The following SCP2 variants were observed in gnomAD, a reference collection of about 807,000 sequenced individuals.
SCP2 encodes SCP-2/3-oxoacyl-CoA thiolase.
A neutral mutation model predicts 71.4 loss-of-function variants in SCP2; 48 were observed. The ratio of observed to expected loss-of-function variants is 0.67; its 90% CI spans 0.53 to 0.86. The LOEUF is 0.86. SCP2 is among the 40% of genes least tolerant of loss of function. SCP2 has a pLI of 0.00. For missense variants in SCP2, 560 were observed against 655.6 expected (o/e 0.85, Z 1.59); for synonymous variants, 220 against 218.1 (o/e 1.01, Z -0.08).
At position 52,929,784 on chromosome 1, in the gene SCP2, G is replaced by A. The variant is rs1652965576; in HGVS notation, c.69+2319G>A. On this transcript the variant is annotated intron_variant, in intron 1 of 15. Coordinates refer to ENST00000371514, the MANE Select transcript of SCP2 (RefSeq NM_002979.5). ...ACTACAGGTGCCCACCACCACGTCC[G>A]GCTAATTTTTTGTATTTTTTAGTAG... Among the ~76,000 whole-genome samples, 6 of 152,176 alleles carry A rather than the reference G, an allele frequency of 3.9e-5. No homozygotes were observed. In the South Asian group the frequency reaches 1.0e-3, roughly 26 times the overall value.
chr1:53,035,634 G>C (rs1008724549), intron 13 of SCP2, among the ~76,000 whole-genome samples: 1 of 152,114 alleles, frequency 6.6e-6, no homozygotes, highest in Non-Finnish European at 1.5e-5. Context: ...ATTTGGAAGA[G>C]AAGAATTATA....
In SCP2 at chr1:52,963,724, A is replaced by G. The variant is rs139629747; in HGVS notation, c.523+2095A>G. 5.3e-5 allele frequency: 8 copies of G among 152,298 alleles called. No homozygotes were observed. The East Asian group carries it at 1.5e-3, about 29-fold the overall frequency. The allele number at this position is 152,298 out of a possible 1,614,324, so 9.4% of individuals were successfully genotyped here. ...AATATAACAACTATTTTAAGAGGTA[A>G]GTGTATGCCTATTTTTCATATGAGG... is the stretch of plus-strand genomic sequence containing the variant. On this transcript the variant is annotated intron_variant, in intron 6 of 15. Transcript: ENST00000371514.
rs1225257894 is a variant in SCP2 at position 52,927,441 on chromosome 1, C to T, written c.45C>T (p.Phe15=). The T allele has an allele frequency of 1.9e-6, 3 of 1,602,706 alleles. No homozygotes were observed. The highest frequency in any genetic ancestry group is 2.7e-5 in the African/African-American group (2 of 74,948). The change falls in exon 1 of 16, where the codon TTC becomes TTT. Residue 15 remains phenylalanine (F), a synonymous_variant. Transcript: ENST00000371514. The part of the protein sequence containing the change: ...PWEPATLRRV[F]VVGVGMTKFV... ...AGCCTGCGACCCTGCGCCGGGTGTT[C>T]GTGGTGGGGGTTGGCATGACCAAGG...
Position 52,927,289 on chromosome 1 carries a change from G to T in SCP2, c.-108G>T. The T allele has an allele frequency of 3.9e-6, 3 of 771,530 alleles. No homozygotes were observed. The highest frequency in any genetic ancestry group is 1.7e-5 in the African/African-American group (1 of 58,432). The allele number at this position is 771,530 out of a possible 1,614,324, so 47.8% of individuals were successfully genotyped here. A position where few individuals can be genotyped will look rare whatever the true frequency, so the allele number is the denominator to read the frequency against. On this transcript the variant is annotated 5_prime_UTR_variant, in exon 1 of 16. Transcript: ENST00000371514. ...ACGCGCACTCTCACGCGCCTGTGTTGCCGCCCGCGGCCCTGGCTTCGGGCT... is the reference window on the plus strand; with the variant it reads ...ACGCGCACTCTCACGCGCCTGTGTTTCCGCCCGCGGCCCTGGCTTCGGGCT...
At chr1:52,967,683 G>T (rs1204929044) in intron 6 of SCP2, among the ~76,000 whole-genome samples, 2 of 152,132 alleles carry the variant, frequency 1.3e-5, no homozygotes, top group Non-Finnish European at 2.9e-5. Context: ...GAAGGGGTCA[G>T]GGGGCTCCTT....
chr1:52,988,074 G>A lies in SCP2; in HGVS notation c.1019G>A (p.Gly340Glu). 1 of 1,609,234 alleles carries A rather than the reference G, an allele frequency of 6.2e-7. No homozygotes were observed. The change falls in exon 11 of 16, where the codon GGA (glycine) becomes GAA (glutamate). Residue 340 changes from glycine (G) to glutamate (E), a missense_variant. Around this residue, in one of 3 missense-constraint regions of SCP2, gnomAD observed 513 missense variants for 573.1 expected, o/e 0.90. Coordinates refer to ENST00000371514, the MANE Select transcript of SCP2 (RefSeq NM_002979.5). ...LVDRGDNTYG[G>E]KWVINPSGGL... ...GATAGAGGAGATAATACATATGGAG[G>A]AAAGTGGGTCATAAATCCTAGTGGT... is the stretch of plus-strand genomic sequence containing the variant.
At chr1:53,033,322 A>G (rs1365194968) in intron 13 of SCP2, among the ~76,000 whole-genome samples, 1 of 152,132 alleles carries the variant, frequency 6.6e-6, no homozygotes, top group Non-Finnish European at 1.5e-5. Flanking sequence ...AGGTTGACAT[A>G]CCGGGCACAG....
chr1:53,039,483 C>A (rs760275635), intron 14 of SCP2, among the ~76,000 whole-genome samples: 10 of 152,210 alleles, frequency 6.6e-5, no homozygotes, highest in African/African-American at 2.2e-4. Flanking sequence ...TCCATACTCA[C>A]AATCGCCAGT....
chr1:52,947,074 A>C (rs996261544), intron 2 of SCP2, among the ~76,000 whole-genome samples: 6 of 150,192 alleles, frequency 4.0e-5, no homozygotes, highest in East Asian at 1.9e-4. Context: ...AAAAAAAAAA[A>C]AAAAACGGAA....
intron 7 of SCP2, 137 bp from the exon 8 acceptor site, chr1:52,976,546 T>C (rs1572123286): frequency 1.1e-5 from 7 of 654,392 alleles, no homozygotes; most frequent in Admixed American, 7.8e-5. Flanking sequence ...TCAATTCAGA[T>C]GACATTTATG....
chr1:52,943,673 G>A, intron 2 of SCP2: 1 of 432,826 alleles, frequency 2.3e-6, no homozygotes, highest in Non-Finnish European at 4.5e-6. Flanking sequence ...ACCAATAGCT[G>A]CACTTTGGAA....
rs1307330551 is a variant in SCP2 at position 53,027,012 on chromosome 1, C to G, written c.1236-957C>G. 5.3e-5 allele frequency among the ~76,000 whole-genome samples: 8 copies of G among 150,350 alleles called. No homozygotes were observed. In the East Asian group the frequency reaches 1.6e-3, roughly 30 times the overall value. ...GGGGTGCAGTGGTGTGATCATAGCT[C>G]ACTGCAGCCTCTATCTCCCAGGCTC... On this transcript the variant is annotated intron_variant, in intron 12 of 15. Transcript: ENST00000371514.
chr1:52,987,004 A>ATT (rs779786435), intron 10 of SCP2, among the ~76,000 whole-genome samples: 2 of 93,740 alleles, frequency 2.1e-5, no homozygotes, highest in East Asian at 2.9e-4. Context: ...ATATATATAT[A>ATT]TATTTTTTTT....
At chr1:52,927,603 T>C in intron 1 of SCP2, 138 bp downstream of exon 1, 1 of 696,526 alleles carries the variant, frequency 1.4e-6, no homozygotes, top group Non-Finnish European at 2.6e-6. Context: ...GCTTGTACTC[T>C]GCGGAATCTC....
Position 52,958,455 on chromosome 1 carries a change from T to C in SCP2, c.397-3048T>C, listed in dbSNP as rs145916840. Among the ~76,000 whole-genome samples the C allele has an allele frequency of 6.5e-3, 990 of 152,258 alleles. 14 individuals carry two copies. Among genetic ancestry groups the C allele is most frequent in the African/African-American group, 0.023 (951 of 41,546 alleles). ...CATGTTGACCAGGCTGGTCTTGAAC[T>C]CCCGACCTCAGGCGATCCACCTGCC... On this transcript the variant is annotated intron_variant, in intron 5 of 15. Coordinates refer to ENST00000371514, the MANE Select transcript of SCP2 (RefSeq NM_002979.5).
rs778748459 is a variant in SCP2, at chr1:53,047,983, G to A, written c.1548+46G>A. The A allele has an allele frequency of 1.2e-5, 16 of 1,317,474 alleles. No homozygotes were observed. The East Asian group carries it at 3.2e-4, about 27-fold the overall frequency. The allele number at this position is 1,317,474 out of a possible 1,614,324, so 81.6% of individuals were successfully genotyped here. A position where few individuals can be genotyped will look rare whatever the true frequency, so the allele number is the denominator to read the frequency against. On this transcript the variant is annotated intron_variant, in intron 15 of 15. Transcript: ENST00000371514. ...ATCCTGCTAGTAGGTAGGTCTTTCA[G>A]CCCTTTCTACTCCATCTCCTGACTC...
chr1:53,033,507 A>T (rs1209557637), intron 13 of SCP2, among the ~76,000 whole-genome samples: 1 of 150,678 alleles, frequency 6.6e-6, no homozygotes, highest in Non-Finnish European at 1.5e-5. Flanking sequence ...TGGGAGGCTG[A>T]GGCAGGAGAA....
At chr1:52,999,253 TCA>T (rs1420037350) in intron 11 of SCP2, among the ~76,000 whole-genome samples, 6 of 152,370 alleles carry the variant, frequency 3.9e-5, no homozygotes, top group Non-Finnish European at 8.8e-5. Flanking sequence ...AAGACAGAAT[TCA>T]GACTTATTGA....
At chr1:53,011,216 T>C (rs1557606318) in intron 11 of SCP2, among the ~76,000 whole-genome samples, 1 of 152,204 alleles carries the variant, frequency 6.6e-6, no homozygotes, top group Non-Finnish European at 1.5e-5. Flanking sequence ...AATGTCTAAT[T>C]TGAAACTAAA....
Sources: allele counts gnomAD v4.1 joint callset (sites outside exome capture counted in the v4.1 genomes callset), GRCh38; gene constraint gnomAD v4.1.1; regional missense constraint gnomAD v4.1.1; transcripts MANE v1.5; gene names NCBI Gene and HGNC (gene_info 2026-07-23, HGNC 2026-07-21).